The following GRAMD1B variants were observed in gnomAD, a reference collection of about 807,000 sequenced individuals.
The protein encoded by GRAMD1B is protein Aster-B.
In GRAMD1B, 37 loss-of-function variants were observed where a neutral mutation model predicts 99.7. That is an observed-to-expected ratio of 0.37 (90% CI 0.29 to 0.49). The LOEUF is 0.49. Ranked by LOEUF, GRAMD1B falls within the 20% of genes least tolerant of loss-of-function variation. GRAMD1B has a pLI of 0.98. For missense variants in GRAMD1B, 888 were observed against 1,009.2 expected (o/e 0.88, Z 1.63); for synonymous variants, 427 against 387.6 (o/e 1.10, Z -1.19).
chr11:123,390,144 A>AG (rs997266126), intron 1 of GRAMD1B, among the ~76,000 whole-genome samples: 25 of 151,908 alleles, frequency 1.6e-4, no homozygotes, highest in African/African-American at 4.8e-4. Flanking sequence ...TCATTAAAAA[A>AG]AAAAAAAGAG....
chr11:123,531,947 G>A (rs2135556598), intron 2 of GRAMD1B, among the ~76,000 whole-genome samples: 1 of 152,120 alleles, frequency 6.6e-6, no homozygotes, highest in Non-Finnish European at 1.5e-5. Flanking sequence ...ATGTTGGTCA[G>A]TCTGGTCTCA....
chr11:123,472,898 C>A (rs1951085275), intron 1 of GRAMD1B, among the ~76,000 whole-genome samples: 1 of 152,188 alleles, frequency 6.6e-6, no homozygotes, highest in Non-Finnish European at 1.5e-5. Context: ...CCTATTGGCA[C>A]AACTGCTGGC....
chr11:123,425,350 C>T (rs537710600), upstream of GRAMD1B, among the ~76,000 whole-genome samples: 4 of 152,238 alleles, frequency 2.6e-5, no homozygotes, highest in East Asian at 1.9e-4. Context: ...ACAGGTGGGG[C>T]GACCTCAGAA....
chr11:123,474,816 T>C lies in GRAMD1B; in HGVS notation c.375-6000T>C, dbSNP rs76277042. Reference sequence around the variant, plus strand: ...AGATAATTGATACTAACAGGAGAGATTGCCTCAGTTGCAGCCAGAAGTAAA... The same window carrying C: ...AGATAATTGATACTAACAGGAGAGACTGCCTCAGTTGCAGCCAGAAGTAAA... On this transcript the variant is annotated intron_variant, in intron 1 of 19. Coordinates refer to ENST00000635736, the MANE Select transcript of GRAMD1B (RefSeq NM_001387025.1). 1.2e-4 allele frequency among the ~76,000 whole-genome samples: 19 copies of C among 152,314 alleles called. No homozygotes were observed. In the East Asian group the frequency reaches 3.7e-3, roughly 29 times the overall value.
chr11:123,415,288 A>C (rs1295295217), intron 1 of GRAMD1B, among the ~76,000 whole-genome samples: 1 of 151,128 alleles, frequency 6.6e-6, no homozygotes, highest in Non-Finnish European at 1.5e-5. Flanking sequence ...TTTTCAGTAG[A>C]GACAGGGTTT....
chr11:123,396,092 C>G (rs964664484), intron 1 of GRAMD1B, among the ~76,000 whole-genome samples: 1 of 152,060 alleles, frequency 6.6e-6, no homozygotes, highest in Non-Finnish European at 1.5e-5. Flanking sequence ...GTTCCTTTCC[C>G]CCTCCTTGCT....
At chr11:123,570,254 A>G (rs889043821) in intron 2 of GRAMD1B, among the ~76,000 whole-genome samples, 6 of 152,112 alleles carry the variant, frequency 3.9e-5, no homozygotes, top group Non-Finnish European at 2.9e-5. Flanking sequence ...TGGGGGTGGT[A>G]TCAGGTTAAG....
At chr11:123,527,772 G>A (rs1306538719) in intron 2 of GRAMD1B, among the ~76,000 whole-genome samples, 1 of 152,154 alleles carries the variant, frequency 6.6e-6, no homozygotes, top group Non-Finnish European at 1.5e-5. Context: ...CGCCCCTGCT[G>A]TCAGCACACC....
chr11:123,520,649 C>T (rs1464320056), intron 2 of GRAMD1B, among the ~76,000 whole-genome samples: 7 of 150,976 alleles, frequency 4.6e-5, no homozygotes, highest in Non-Finnish European at 7.4e-5. Context: ...CATGGTGGTG[C>T]GTGTCTGCAA....
In GRAMD1B at chr11:123,626,930, A is replaced by G. The variant is rs1346075040; in HGVS notation, c.*4335A>G. On this transcript the variant is annotated 3_prime_UTR_variant, in exon 20 of 20. Transcript: ENST00000635736. ...ACACTATTTAGAGAGCTCCCTTCCC[A>G]CCTCTCTGCCCAGCCTTGTTACCTC... is the stretch of plus-strand genomic sequence containing the variant. The G allele has an allele frequency of 1.3e-5, 2 of 151,992 alleles. No homozygotes were observed. The highest frequency in any genetic ancestry group is 2.9e-5 in the Non-Finnish European group (2 of 68,034). 9.4% of individuals were successfully genotyped at this position (151,992 alleles called of 1,614,324 possible).
chr11:123,503,949 G>A (rs1940158949), intron 2 of GRAMD1B, among the ~76,000 whole-genome samples: 1 of 152,164 alleles, frequency 6.6e-6, no homozygotes, highest in Non-Finnish European at 1.5e-5. Flanking sequence ...GAAAACTGAA[G>A]CTTAGAGAAG....
chr11:123,491,628 C>T (rs1012140853), intron 2 of GRAMD1B: 8 of 358,262 alleles, frequency 2.2e-5, no homozygotes, highest in Non-Finnish European at 4.0e-5. Flanking sequence ...GGGCAGGAGG[C>T]AGAGGGGATC....
Position 123,430,596 on chromosome 11 carries a change from G to A in GRAMD1B, c.-197G>A, listed in dbSNP as rs1948827161. 2 of 470,112 alleles carry A rather than the reference G, an allele frequency of 4.3e-6. No individual in the cohort carries two copies. The highest frequency in any genetic ancestry group is 8.6e-5 in the Admixed American group (2 of 23,184). The allele number at this position is 470,112 out of a possible 1,614,324, so 29.1% of individuals were successfully genotyped here. ...GCCCGGAGGACGCGCGCTCCGAAAA[G>A]TTAGACTCCGGGCGGCGGCGCGCTA... On this transcript the variant is annotated 5_prime_UTR_variant, in exon 1 of 20. Transcript: ENST00000635736.
intron 14 of GRAMD1B, among the ~76,000 whole-genome samples, chr11:123,611,513 T>C (rs981238386): frequency 6.6e-6 from 1 of 152,172 alleles, no homozygotes; most frequent in African/African-American, 2.4e-5. Context: ...CTCCTGAACA[T>C]GTACTCCTCC....
intron 1 of GRAMD1B, among the ~76,000 whole-genome samples, chr11:123,466,510 AC>A (rs1950691264): frequency 6.6e-6 from 1 of 152,142 alleles, no homozygotes; most frequent in Non-Finnish European, 1.5e-5. Context: ...AAAAAGATTG[AC>A]TGACTGATTT....
At chr11:123,399,490 AT>A (rs573313539) in intron 1 of GRAMD1B, among the ~76,000 whole-genome samples, 1 of 151,848 alleles carries the variant, frequency 6.6e-6, no homozygotes, top group African/African-American at 2.4e-5. Context: ...TTATTTATTT[AT>A]TTTTTTTGGA....
At chr11:123,433,780 A>T (rs900718471) in intron 1 of GRAMD1B, among the ~76,000 whole-genome samples, 18 of 152,196 alleles carry the variant, frequency 1.2e-4, no homozygotes, top group Admixed American at 5.2e-4. Context: ...AGATTTGGTT[A>T]GATTTAGGAA....
rs887882190 is a variant in GRAMD1B at position 123,388,296 on chromosome 11, G to T, written c.-176+29497G>T. Among the ~76,000 whole-genome samples the T allele has an allele frequency of 3.9e-5, 6 of 152,220 alleles. 1 individual carries two copies. The South Asian group carries it at 1.2e-3, about 32-fold the overall frequency. ...ATATTGAAACCTAATCCCTTATGTG[G>T]TAGTATTAAGAGGTGGGGCCTTTCA... is the stretch of plus-strand genomic sequence containing the variant. On this transcript the variant is annotated intron_variant, in intron 1 of 20. Coordinates refer to the GRAMD1B transcript ENST00000638157.
chr11:123,534,163 A>G (rs940833899), intron 2 of GRAMD1B, among the ~76,000 whole-genome samples: 1 of 152,252 alleles, frequency 6.6e-6, no homozygotes, highest in Admixed American at 6.5e-5. Context: ...GTCAATTAAC[A>G]CATTTTTGGT....
Sources: allele counts gnomAD v4.1 joint callset (sites outside exome capture counted in the v4.1 genomes callset), GRCh38; gene constraint gnomAD v4.1.1; transcripts MANE v1.5; gene names NCBI Gene and HGNC (gene_info 2026-07-23, HGNC 2026-07-21).